ING5: variants seen among roughly 807,000 people sequenced by gnomAD.
The protein encoded by ING5 is inhibitor of growth family member 5, also known as inhibitor of growth protein 5.
ING5 carries 17 observed loss-of-function variants against 37.4 expected under a neutral mutation model. That is an observed-to-expected ratio of 0.45 (90% CI 0.31 to 0.68). The LOEUF (loss-of-function observed/expected upper bound fraction) is 0.68, where lower values mean the gene tolerates loss of function less well. Among genes scored for constraint, ING5 ranks in the 30% least tolerant of loss-of-function variants. The pLI is 0.05. For synonymous variants in ING5, 123 were observed against 116.6 expected, an observed-to-expected ratio of 1.06 and a Z score of -0.36; for missense variants, 233 against 311.9, an observed-to-expected ratio of 0.75 and a Z score of 1.91.
chr2:241,710,679 G>A (rs1486227941), intron 3 of ING5, among the ~76,000 whole-genome samples: 2 of 152,030 alleles, frequency 1.3e-5, no homozygotes, highest in Admixed American at 1.3e-4. Context: ...AGATGGGGTT[G>A]CTCCATGTTG....
chr2:241,702,721 C>T (rs1287998240), intron 1 of ING5, among the ~76,000 whole-genome samples: 1 of 152,232 alleles, frequency 6.6e-6, no homozygotes, highest in Non-Finnish European at 1.5e-5. Context: ...GGCAGCAGGT[C>T]GGCGCCCCCA....
At position 241,719,759 on chromosome 2, in the gene ING5, G is replaced by A. The variant is rs1223088552; in HGVS notation, c.483-3180G>A. 3.4e-5 allele frequency: 50 copies of A among 1,449,436 alleles called. No homozygotes were observed. The East Asian group carries it at 7.4e-4, about 22-fold the overall frequency. The allele number at this position is 1,449,436 out of a possible 1,614,324, so 89.8% of individuals were successfully genotyped here. Reference sequence around the variant, plus strand: ...AACAGCCAGCACCTCTGCAAACACAGGAAGATCCACTGTGGCCTCATGGCT... The same window carrying A: ...AACAGCCAGCACCTCTGCAAACACAAGAAGATCCACTGTGGCCTCATGGCT... On this transcript the variant is annotated intron_variant, in intron 5 of 7. Transcript: ENST00000313552.
intron 2 of ING5, among the ~76,000 whole-genome samples, chr2:241,692,137 C>T (rs2069565674): frequency 6.6e-6 from 1 of 152,112 alleles, no homozygotes; most frequent in Admixed American, 6.6e-5. Flanking sequence ...AATAACCGAG[C>T]TTGCAGCACA....
At chr2:241,687,876 C>A (rs1474896671) in exon 1 of ING5, 1 of 152,218 alleles carries the variant, frequency 6.6e-6, no homozygotes, top group Admixed American at 6.5e-5. Flanking sequence ...GGAGAGGGAA[C>A]GGGCAAGTTG....
Position 241,702,078 on chromosome 2 carries a change from A to G in ING5, c.13A>G (p.Met5Val). 2.2e-6 allele frequency: 3 copies of G among 1,387,996 alleles called. No individual in the cohort carries two copies. The highest frequency in any genetic ancestry group is 2.8e-6 in the Non-Finnish European group (3 of 1,065,530). 86.0% of individuals were successfully genotyped at this position (1,387,996 alleles called of 1,614,324 possible). The stretch of plus-strand genomic sequence containing the variant: ...GCCGCGGACGAAGATGGCGACCGCC[A>G]TGTACTTGGAGCACTATCTGGACAG... MATA[M>V]YLEHYLDSIE... The change falls in exon 1 of 8, where the codon ATG (methionine) becomes GTG (valine). Residue 5 changes from methionine (M) to valine (V), a missense_variant. Physicochemically the swap from Met to Val is conservative, Grantham distance 21. This residue lies in a region of ING5 where 93 missense variants were observed against 99.7 expected (regional missense o/e 0.93). Transcript: ENST00000313552.
At chr2:241,690,718 TG>T (rs2069538642) in intron 2 of ING5, 1 of 398,046 alleles carries the variant, frequency 2.5e-6, no homozygotes, top group Admixed American at 4.4e-5. Context: ...GAGATACAGG[TG>T]AAATGGAGTT....
intron 2 of ING5, among the ~76,000 whole-genome samples, chr2:241,696,174 G>C (rs562724438): frequency 1.3e-5 from 2 of 151,800 alleles, no homozygotes; most frequent in African/African-American, 4.8e-5. Flanking sequence ...GGCAGATCAC[G>C]AGGTGAGGAG....
intron 7 of ING5, chr2:241,724,699 A>G (rs1691536866): frequency 6.5e-6 from 3 of 461,050 alleles, no homozygotes; most frequent in Non-Finnish European, 1.2e-5. Context: ...CGACCCTGCC[A>G]TCGGCCGGGG....
At chr2:241,699,590 C>T (rs1422418186), upstream of ING5, among the ~76,000 whole-genome samples, 2 of 151,728 alleles carry the variant, frequency 1.3e-5, no homozygotes, top group African/African-American at 4.8e-5. Flanking sequence ...TTTAAAAATG[C>T]ATTTTAAATA....
exon 1 of ING5, chr2:241,687,269 G>A (rs2069451462): frequency 5.0e-6 from 2 of 398,206 alleles, no homozygotes; most frequent in Admixed American, 8.8e-5. Context: ...GTCACGCGGC[G>A]CGCGAGACGA....
At chr2:241,716,714 C>T (rs1198754514) in intron 5 of ING5, among the ~76,000 whole-genome samples, 2 of 152,184 alleles carry the variant, frequency 1.3e-5, no homozygotes, top group African/African-American at 4.8e-5. Context: ...TCTTCCATTT[C>T]CTGCCTTTGT....
chr2:241,723,896 A>G, intron 7 of ING5: 3 of 1,385,844 alleles, frequency 2.2e-6, no homozygotes, highest in Non-Finnish European at 3.0e-6. Context: ...TGTGGTCCCA[A>G]CTACCTGGGA....
intron 2 of ING5, among the ~76,000 whole-genome samples, chr2:241,696,322 T>C (rs1247820794): frequency 1.3e-5 from 2 of 151,150 alleles, no homozygotes; most frequent in Non-Finnish European, 2.9e-5. Flanking sequence ...ACCTGGGAGG[T>C]GGAGGTTGCA....
chr2:241,702,466 C>T (rs959559107), intron 1 of ING5, among the ~76,000 whole-genome samples: 1 of 152,050 alleles, frequency 6.6e-6, no homozygotes, highest in Non-Finnish European at 1.5e-5. Context: ...CCGCCAGGTC[C>T]CGCCCGTCCC....
chr2:241,718,924 A>G (rs2070353236), intron 5 of ING5, among the ~76,000 whole-genome samples: 1 of 152,150 alleles, frequency 6.6e-6, no homozygotes, highest in South Asian at 2.1e-4. Context: ...CTGAGGGTAC[A>G]TGTCTCATGA....
At chr2:241,690,872 T>A (rs1328111007) in intron 2 of ING5, among the ~76,000 whole-genome samples, 1 of 151,538 alleles carries the variant, frequency 6.6e-6, no homozygotes, top group Non-Finnish European at 1.5e-5. Flanking sequence ...AGTGGTGTGA[T>A]CTCAGCTCGC....
intron 2 of ING5, among the ~76,000 whole-genome samples, chr2:241,691,204 C>T (rs537248166): frequency 6.0e-5 from 9 of 149,096 alleles, no homozygotes; most frequent in South Asian, 4.2e-4. Context: ...TTTGGGAGGC[C>T]GAGGTGGGTG....
intron 5 of ING5, chr2:241,719,988 TCC>T: frequency 8.0e-7 from 1 of 1,255,968 alleles, no homozygotes; most frequent in East Asian, 3.1e-5. Flanking sequence ...GCAGTGCTGC[TCC>T]TGTCCCATTG....
chr2:241,700,487 G>T (rs1259367277), upstream of ING5, among the ~76,000 whole-genome samples: 2 of 151,236 alleles, frequency 1.3e-5, no homozygotes, highest in Non-Finnish European at 2.9e-5. Context: ...ATGGAATCTT[G>T]CTCTGCTGGC....
Sources: gnomAD v4.1 joint callset for allele counts (sites outside exome capture counted in the v4.1 genomes callset) on GRCh38, gnomAD v4.1.1 for gene constraint, gnomAD v4.1.1 regional missense constraint, MANE v1.5 for transcripts, NCBI Gene and HGNC (gene_info 2026-07-23, HGNC 2026-07-21) for gene names.